PTOV1: variants seen among roughly 807,000 people sequenced by gnomAD.
PTOV1 encodes the protein prostate tumor-overexpressed gene 1 protein.
Under a neutral mutation model 58.0 loss-of-function variants are expected in PTOV1, and 20 were observed. The ratio of observed to expected loss-of-function variants is 0.34; its 90% CI spans 0.24 to 0.50. The LOEUF (loss-of-function observed/expected upper bound fraction) is 0.50. Among genes scored for constraint, PTOV1 ranks in the 20% least tolerant of loss-of-function variants. The pLI, the probability that PTOV1 is intolerant of heterozygous loss-of-function variation, is 0.98. For missense variants in PTOV1, 593 were observed against 565.4 expected, an observed-to-expected ratio of 1.05 and a Z score of -0.50; for synonymous variants, 335 against 234.2, an observed-to-expected ratio of 1.43 and a Z score of -3.93.
intron 10 of PTOV1, 141 bp from the exon 11 acceptor site, chr19:49,859,845 C>T: frequency 5.7e-6 from 5 of 879,150 alleles, no homozygotes; most frequent in South Asian, 3.2e-5. Context: ...TAAGGGGGCC[C>T]ACCTCCAGGG....
chr19:49,854,678 T>G, exon 3 of PTOV1: 1 of 1,613,386 alleles, frequency 6.2e-7, no homozygotes, highest in Non-Finnish European at 8.5e-7. Context: ...CTGACTCCAC[T>G]GCAAAGCTGA....
chr19:49,856,676 G>T (rs546444309), intron 5 of PTOV1: 237 of 398,906 alleles, frequency 5.9e-4, no homozygotes, highest in African/African-American at 4.3e-3. Flanking sequence ...ACCCCATCAG[G>T]CAGTCAGGAG....
At chr19:49,853,268 G>T (rs766936825) in intron 1 of PTOV1, 7 of 152,308 alleles carry the variant, frequency 4.6e-5, no homozygotes, top group Admixed American at 2.0e-4. Context: ...CCGCCTGGAG[G>T]CGCCTATTAC....
intron 11 of PTOV1, 35 bp downstream of exon 11, chr19:49,860,218 C>T (rs758003663): frequency 1.2e-6 from 2 of 1,613,688 alleles, no homozygotes; most frequent in African/African-American, 1.3e-5. Context: ...GCTCAGTCTC[C>T]CTCCACCCCC....
Position 49,853,366 on chromosome 19 carries a change from A to G in PTOV1, c.172-1040A>G, listed in dbSNP as rs531804242. Among the ~76,000 whole-genome samples, 218 of 152,260 alleles carry G rather than the reference A, an allele frequency of 1.4e-3. 1 individual carries two copies. Among genetic ancestry groups the G allele is most frequent in the African/African-American group, 4.9e-3 (202 of 41,554 alleles). Reference sequence around the variant, plus strand: ...GAGATGTTTTTGGTTTTAAAAAACAATAAGTGAGGTCAGGCTTGGTGGCCC... The same window carrying G: ...GAGATGTTTTTGGTTTTAAAAAACAGTAAGTGAGGTCAGGCTTGGTGGCCC... On this transcript the variant is annotated intron_variant, in intron 1 of 11. Transcript: ENST00000391842.
intron 10 of PTOV1, 52 bp downstream of exon 10, chr19:49,858,705 C>CCGGACCG (rs1419849777): frequency 6.9e-7 from 1 of 1,451,192 alleles, no homozygotes; most frequent in African/African-American, 1.4e-5. Flanking sequence ...CAGAGCGAGC[C>CCGGACCG]CGGACCGCTC....
Position 49,857,154 on chromosome 19 carries a change from TC to T in PTOV1, c.714+25del, listed in dbSNP as rs751136022. ...AGGTGTGCCAGCCAAGCACAGCCCC[TC>T]TGGGGACAGAGGGGGATTAGACCCC... is the stretch of plus-strand genomic sequence containing the variant. On this transcript the variant is annotated intron_variant, in intron 6 of 11. Coordinates refer to ENST00000391842, the Ensembl canonical transcript of PTOV1. The T allele has an allele frequency of 2.2e-5, 35 of 1,613,474 alleles. No homozygotes were observed. In the East Asian group the frequency reaches 7.6e-4, roughly 35 times the overall value.
At chr19:49,850,804 G>C (rs1373948166), upstream of PTOV1, 1 of 1,505,452 alleles carries the variant, frequency 6.6e-7, no homozygotes, top group Non-Finnish European at 8.9e-7. Context: ...TTTGTCCCCA[G>C]GCCCATTATT....
Position 49,854,583 on chromosome 19 carries a change from G to T in PTOV1, c.309+40G>T, listed in dbSNP as rs768929363. The T allele has an allele frequency of 6.2e-6, 10 of 1,612,708 alleles. No homozygotes were observed. In the East Asian group the frequency reaches 6.7e-5, roughly 11 times the overall value. On this transcript the variant is annotated intron_variant, in intron 2 of 11. Coordinates refer to ENST00000391842, the Ensembl canonical transcript of PTOV1. ...GGCTGCGGCTGGCCTCCAGGGTCTT[G>T]TCTTGTCCCTGCGGGGACAGGCCAG...
exon 4 of PTOV1, chr19:49,854,851 A>T: frequency 6.2e-7 from 1 of 1,613,374 alleles, no homozygotes; most frequent in Non-Finnish European, 8.5e-7. Context: ...CAGTGGCCGC[A>T]GAAGCTGATC....
chr19:49,851,253 C>CGCCTGT, exon 1 of PTOV1: 3 of 1,119,644 alleles, frequency 2.7e-6, no homozygotes, highest in Middle Eastern at 3.8e-4. Flanking sequence ...CCCGCGCCCG[C>CGCCTGT]GCCCCTCAGT....
intron 9 of PTOV1, 106 bp from the exon 10 acceptor site, chr19:49,858,443 C>T: frequency 1.2e-6 from 1 of 863,830 alleles, no homozygotes; most frequent in South Asian, 1.5e-5. Context: ...GTAGGGAGGA[C>T]AGGGGAGTCT....
At chr19:49,853,617 A>G (rs1335296693) in intron 1 of PTOV1, among the ~76,000 whole-genome samples, 1 of 151,206 alleles carries the variant, frequency 6.6e-6, no homozygotes, top group African/African-American at 2.4e-5. Context: ...CTCTGTCTCA[A>G]AAAAAAAATA....
At chr19:49,857,521 ATGG>A (rs2074528781) in intron 6 of PTOV1, 169 bp from the exon 7 acceptor site, 1 of 673,548 alleles carries the variant, frequency 1.5e-6, no homozygotes, top group Non-Finnish European at 2.6e-6. Context: ...CTGGGGAGCC[ATGG>A]GGGGCTGTGA....
At chr19:49,854,495 G>C (rs764600206) in exon 2 of PTOV1, 1 of 1,613,022 alleles carries the variant, frequency 6.2e-7, no homozygotes, top group Non-Finnish European at 8.5e-7. Flanking sequence ...GCGAGCACCG[G>C]CTCAGCAACA....
intron 9 of PTOV1, 49 bp downstream of exon 9, chr19:49,858,163 A>G (rs1334574900): frequency 6.3e-7 from 1 of 1,596,474 alleles, no homozygotes; most frequent in Admixed American, 1.7e-5. Flanking sequence ...TAGCTCTTCC[A>G]GAGGGCGGGG....
At position 49,855,084 on chromosome 19, in the gene PTOV1, G is replaced by A. The variant is rs1265712109; in HGVS notation, c.558+7G>A. 7 of 1,579,160 alleles carry A rather than the reference G, an allele frequency of 4.4e-6. No homozygotes were observed. Among genetic ancestry groups the A allele is most frequent in the Admixed American group, 3.6e-5 (2 of 55,802 alleles). On this transcript the variant is annotated splice_region_variant and intron_variant, in intron 5 of 11. Transcript: ENST00000391842. ...CATCATGGGCAACGGCTTCGTGAGT[G>A]GGGCGGGCTCCCTTGTAGCACTGTG...
At chr19:49,852,186 G>A in intron 1 of PTOV1, 1 of 642,690 alleles carries the variant, frequency 1.6e-6, no homozygotes, top group Non-Finnish European at 1.9e-6. Context: ...GCACACGCTT[G>A]CCCCGATGTG....
chr19:49,855,053 C>A, exon 5 of PTOV1: 1 of 1,597,278 alleles, frequency 6.3e-7, no homozygotes, highest in Admixed American at 1.7e-5. Flanking sequence ...TCAAGGGGCT[C>A]TGCCGCATCA....
Sources: gnomAD v4.1 joint callset for allele counts (sites outside exome capture counted in the v4.1 genomes callset) on GRCh38, gnomAD v4.1.1 for gene constraint, MANE v1.5 for transcripts, NCBI Gene and HGNC (gene_info 2026-07-23, HGNC 2026-07-21) for gene names.